Variants in KASH5 observed in about 807,000 individuals in gnomAD.
KASH5 encodes KASH domain containing 5.
A neutral mutation model predicts 84.2 loss-of-function variants in KASH5; 72 were observed. That is an observed-to-expected ratio of 0.85 (90% confidence interval 0.71 to 1.04). The LOEUF (loss-of-function observed/expected upper bound fraction) is 1.04, where lower values mean the gene tolerates loss of function less well. Ranked by LOEUF, KASH5 falls within the 50% of genes least tolerant of loss-of-function variation. KASH5 has a pLI of 0.00. For synonymous variants in KASH5, 260 were observed against 279.1 expected (o/e 0.93, Z 0.68); for missense variants, 650 against 701.0 (o/e 0.93, Z 0.82).
chr19:49,399,410 A>G lies in KASH5; in HGVS notation c.748-47A>G. Reference sequence around the variant, plus strand: ...GGTGGGAGAAGGGCAACATGGGGGCAAGGAGGCTAGAAATGAAACCTTTGT... The same window carrying G: ...GGTGGGAGAAGGGCAACATGGGGGCGAGGAGGCTAGAAATGAAACCTTTGT... On this transcript the variant is annotated intron_variant, in intron 8 of 19. Transcript: ENST00000447857. The surrounding 1 kb of genome is among the most constrained non-coding windows in gnomAD (Gnocchi z 4.4). 6.4e-7 allele frequency: 1 copy of G among 1,568,034 alleles called. No individual in the cohort carries two copies. The highest frequency in any genetic ancestry group is 8.7e-7 in the Non-Finnish European group (1 of 1,148,108).
chr19:49,396,793 G>A (rs1292108493), intron 5 of KASH5, among the ~76,000 whole-genome samples: 1 of 152,108 alleles, frequency 6.6e-6, no homozygotes, highest in African/African-American at 2.4e-5. Flanking sequence ...GATTACAGGC[G>A]TGAGCCTGTA....
Position 49,408,980 on chromosome 19 carries a change from A to G in KASH5, c.1007A>G (p.Glu336Gly). The change falls in exon 13 of 20, where the codon GAG (glutamate) becomes GGG (glycine). Residue 336 changes from glutamate to glycine, a missense_variant. Glu to Gly is a moderately conservative substitution (Grantham distance 98). Coordinates refer to ENST00000447857, the MANE Select transcript of KASH5 (RefSeq NM_144688.5). The part of the protein sequence containing the change: ...YRVTTQELRL[E>G]ISRLEEQLSQ... ...CCTCCTTTGCAGGAACTGAGGCTGG[A>G]GATTTCACGCCTGGAGGAGCAGCTG... 6.3e-7 allele frequency: 1 copy of G among 1,587,586 alleles called. No homozygotes were observed. Among genetic ancestry groups the G allele is most frequent in the Non-Finnish European group, 8.6e-7 (1 of 1,167,072 alleles).
rs1048259763 is a variant in KASH5 at position 49,416,380 on chromosome 19, A to G, written c.1375-635A>G. ...GCTAATTTTTGTATTTTTAGTAGAGACGGAGTTTCGCCATGTTGGCCAGGT... is the reference window on the plus strand; with the variant it reads ...GCTAATTTTTGTATTTTTAGTAGAGGCGGAGTTTCGCCATGTTGGCCAGGT... On this transcript the variant is annotated intron_variant, in intron 17 of 19. Transcript: ENST00000447857. This position sits in a 1 kb window ranked among gnomAD's most constrained non-coding sequence, Gnocchi z 5.4. Among the ~76,000 whole-genome samples the G allele has an allele frequency of 4.6e-5, 7 of 152,038 alleles. No homozygotes were observed. The highest frequency in any genetic ancestry group is 4.6e-4 in the Admixed American group (7 of 15,260).
Position 49,412,659 on chromosome 19 carries a change from C to A in KASH5, c.1270-309C>A, listed in dbSNP as rs747092494. ...TGGGACCCAGATAAGTGTACGAGATCTGTGGAACATCCAGGAAGTTTAGGC... is the reference window on the plus strand; with the variant it reads ...TGGGACCCAGATAAGTGTACGAGATATGTGGAACATCCAGGAAGTTTAGGC... On this transcript the variant is annotated intron_variant, in intron 15 of 19. Coordinates refer to ENST00000447857, the MANE Select transcript of KASH5 (RefSeq NM_144688.5). The surrounding 1 kb of genome is among the most constrained non-coding windows in gnomAD (Gnocchi z 4.6). 1.2e-3 allele frequency among the ~76,000 whole-genome samples: 175 copies of A among 152,164 alleles called. 1 individual carries two copies. Among genetic ancestry groups the A allele is most frequent in the Non-Finnish European group, 1.3e-3 (87 of 68,030 alleles).
At position 49,414,178 on chromosome 19, in the gene KASH5, G is replaced by C. The variant is rs147148173; in HGVS notation, c.1329-773G>C. On this transcript the variant is annotated intron_variant, in intron 16 of 19. Coordinates refer to ENST00000447857, the MANE Select transcript of KASH5 (RefSeq NM_144688.5). The surrounding 1 kb of genome is among the most constrained non-coding windows in gnomAD (Gnocchi z 4.5). ...GGGTCAGGAGCCAGATCTCCTCCTA[G>C]ACCGAGACTCGCTGAGGGAAGGGTC... Among the ~76,000 whole-genome samples the C allele has an allele frequency of 4.1e-4, 62 of 152,266 alleles. No homozygotes were observed. The highest frequency in any genetic ancestry group is 1.4e-3 in the African/African-American group (59 of 41,556).
chr19:49,394,496 G>A lies in KASH5; in HGVS notation c.64G>A (p.Glu22Lys), dbSNP rs756830729. 6.2e-7 allele frequency: 1 copy of A among 1,613,840 alleles called. No homozygotes were observed. The highest frequency in any genetic ancestry group is 8.5e-7 in the Non-Finnish European group (1 of 1,179,832). Reference sequence around the variant, plus strand: ...CCCAGTGTACCTCCGGGAGCGGCCTGAGGAGGCAAGGCTGGGAATGCCGGT... The same window carrying A: ...CCCAGTGTACCTCCGGGAGCGGCCTAAGGAGGCAAGGCTGGGAATGCCGGT... ...TAEMYLRERP[E>K]EARLGMPVSL... The change falls in exon 3 of 20, where the codon GAG (glutamate) becomes AAG (lysine). Residue 22 changes from glutamate to lysine, a missense_variant. Coordinates refer to ENST00000447857, the MANE Select transcript of KASH5 (RefSeq NM_144688.5).
At position 49,397,652 on chromosome 19, in the gene KASH5, A is replaced by T. The variant is rs756209697; in HGVS notation, c.402A>T (p.Gly134=). 6.2e-7 allele frequency: 1 copy of T among 1,613,868 alleles called. No homozygotes were observed. The highest frequency in any genetic ancestry group is 1.1e-5 in the South Asian group (1 of 91,078). Residue 134 remains glycine (G), a splice_region_variant and synonymous_variant, in exon 6 of 20, where the codon GGA becomes GGT. Transcript: ENST00000447857. ...GALTSRQLPS[G]CPEAEEPANL... ...ATTCTCTTGGCTCTCTCCCTCCAGG[A>T]TGCCCAGAAGCTGAGGAGCCAGCCA...
chr19:49,408,872 GA>G, intron 12 of KASH5, 94 bp from the exon 13 acceptor site: 2 of 1,340,802 alleles, frequency 1.5e-6, no homozygotes, highest in Non-Finnish European at 2.1e-6. Context: ...AAGTAGTCAG[GA>G]AAGGGGAAAG....
chr19:49,394,092 C>A (rs74708860), intron 2 of KASH5, among the ~76,000 whole-genome samples: 3,265 of 152,158 alleles, frequency 0.021, 128 homozygotes, highest in African/African-American at 0.074. Flanking sequence ...GCTCCTGGGC[C>A]CCCCCTTCAC....
In KASH5 at chr19:49,409,682, A is replaced by G. The variant is rs1252296961; in HGVS notation, c.1147-71A>G. The G allele has an allele frequency of 3.1e-6, 5 of 1,597,420 alleles. No individual in the cohort carries two copies. The East Asian group carries it at 9.0e-5, about 29-fold the overall frequency. On this transcript the variant is annotated intron_variant, in intron 14 of 19. Transcript: ENST00000447857. Reference sequence around the variant, plus strand: ...TATTTTCAGCCGCACACCTAAACCTATTTCTATCTCTGACCTTGTTTTCTA... The same window carrying G: ...TATTTTCAGCCGCACACCTAAACCTGTTTCTATCTCTGACCTTGTTTTCTA...
At chr19:49,415,597 G>A (rs1490913635) in intron 17 of KASH5, 1 of 162,922 alleles carries the variant, frequency 6.1e-6, no homozygotes, top group African/African-American at 2.4e-5. Flanking sequence ...GGCCCCTGGG[G>A]CTCTTCAGGG....
At chr19:49,396,488 A>G (rs536870648) in intron 5 of KASH5, among the ~76,000 whole-genome samples, 1 of 152,280 alleles carries the variant, frequency 6.6e-6, no homozygotes, top group South Asian at 2.1e-4. Context: ...TCCCGACCTC[A>G]GGTGATCCAA....
At position 49,412,767 on chromosome 19, in the gene KASH5, G is replaced by T. The variant is rs141207045; in HGVS notation, c.1270-201G>T. Among the ~76,000 whole-genome samples, 263 of 152,320 alleles carry T rather than the reference G, an allele frequency of 1.7e-3. No individual in the cohort carries two copies. The highest frequency in any genetic ancestry group is 3.4e-3 in the Middle Eastern group (1 of 294). ...TTTGGTTTTTGGCTTCTGCCCTTAG[G>T]GGGCTAATAGGGCCATCCTCATGTA... is the stretch of plus-strand genomic sequence containing the variant. On this transcript the variant is annotated intron_variant, in intron 15 of 19. Coordinates refer to ENST00000447857, the MANE Select transcript of KASH5 (RefSeq NM_144688.5). The surrounding 1 kb of genome is among the most constrained non-coding windows in gnomAD (Gnocchi z 4.6).
chr19:49,406,714 A>G (rs538073944), intron 9 of KASH5, among the ~76,000 whole-genome samples, 172 bp from the exon 10 acceptor site: 3 of 152,304 alleles, frequency 2.0e-5, no homozygotes, highest in African/African-American at 7.2e-5. Context: ...CACTCAAAGA[A>G]ATTAAAGCTG....
chr19:49,398,304 T>C (rs1157825377), intron 7 of KASH5, among the ~76,000 whole-genome samples, 161 bp downstream of exon 7: 2 of 152,174 alleles, frequency 1.3e-5, no homozygotes, highest in African/African-American at 4.8e-5. Context: ...GTCTCTCTGA[T>C]TCTTATCTCT....
intron 12 of KASH5, 149 bp downstream of exon 12, chr19:49,407,820 T>C: frequency 1.3e-6 from 1 of 758,502 alleles, no homozygotes; most frequent in Non-Finnish European, 2.3e-6. Flanking sequence ...TGACTGCATG[T>C]CTCCCCCTCT....
chr19:49,400,225 CAAAAAAA>C (rs34052696), intron 9 of KASH5, among the ~76,000 whole-genome samples: 5 of 81,268 alleles, frequency 6.2e-5, no homozygotes, highest in South Asian at 4.4e-4. Context: ...GAGAGCCTCT[CAAAAAAA>C]AAAAAAAAAA....
At chr19:49,394,650 C>T in intron 3 of KASH5, 70 bp downstream of exon 3, 1 of 1,235,310 alleles carries the variant, frequency 8.1e-7, no homozygotes, top group South Asian at 1.2e-5. Flanking sequence ...AACTGGGGAG[C>T]CTCAGAGAGA....
intron 7 of KASH5, 129 bp from the exon 8 acceptor site, chr19:49,398,896 C>A: frequency 1.4e-6 from 1 of 702,290 alleles, no homozygotes; most frequent in Non-Finnish European, 2.4e-6. Flanking sequence ...CCTCCCCTCT[C>A]TCTGGGTCTC....
Sources: gnomAD v4.1 joint callset for allele counts (sites outside exome capture counted in the v4.1 genomes callset) on GRCh38, gnomAD v4.1.1 for gene constraint, Gnocchi (gnomAD v3.1) non-coding constraint, MANE v1.5 for transcripts, NCBI Gene and HGNC (gene_info 2026-07-23, HGNC 2026-07-21) for gene names.